Variants in SRGAP1 observed in about 807,000 individuals in gnomAD.
SRGAP1 encodes the protein SLIT-ROBO Rho GTPase-activating protein 1.
A neutral mutation model predicts 121.9 loss-of-function variants in SRGAP1; 43 were observed. That is an observed-to-expected ratio of 0.35 (90% CI 0.28 to 0.46). SRGAP1 has a LOEUF of 0.46. Ranked by LOEUF, SRGAP1 falls within the 20% of genes least tolerant of loss-of-function variation. SRGAP1 has a pLI of 1.00. For synonymous variants in SRGAP1, 447 were observed against 485.4 expected (o/e 0.92, Z 1.04); for missense variants, 1,102 against 1,350.9 (o/e 0.82, Z 2.89).
intron 1 of SRGAP1, among the ~76,000 whole-genome samples, chr12:63,921,155 G>A (rs1206254007): frequency 6.6e-6 from 1 of 152,098 alleles, no homozygotes; most frequent in African/African-American, 2.4e-5. Context: ...CCACCTGACA[G>A]TTTACTTCTA....
intron 18 of SRGAP1, among the ~76,000 whole-genome samples, chr12:64,117,755 A>G (rs2036545890): frequency 6.6e-6 from 1 of 151,898 alleles, no homozygotes; most frequent in Non-Finnish European, 1.5e-5. Context: ...GTAACTTCCC[A>G]TTTCCCGCTT....
chr12:64,080,801 A>G (rs1212728275), intron 10 of SRGAP1: 2 of 218,734 alleles, frequency 9.1e-6, no homozygotes, highest in East Asian at 2.2e-4. Flanking sequence ...GCCTGTTTAG[A>G]CTCTGGAAAC....
chr12:64,113,535 A>C (rs2036467906), intron 17 of SRGAP1, among the ~76,000 whole-genome samples: 1 of 152,200 alleles, frequency 6.6e-6, no homozygotes, highest in Admixed American at 6.5e-5. Context: ...AGAAAAAATA[A>C]TTGTTTGAGG....
At chr12:64,110,000 A>T (rs1008940683) in intron 16 of SRGAP1, among the ~76,000 whole-genome samples, 14 of 152,308 alleles carry the variant, frequency 9.2e-5, no homozygotes, top group Admixed American at 7.2e-4. Flanking sequence ...GGTGCCTAAA[A>T]CATTCACAAA....
chr12:64,105,281 A>T (rs1318011440), intron 15 of SRGAP1, among the ~76,000 whole-genome samples: 2 of 152,222 alleles, frequency 1.3e-5, no homozygotes, highest in Non-Finnish European at 2.9e-5. Flanking sequence ...TTGTGTGTGC[A>T]TACCACATTT....
At chr12:63,919,527 T>TATATATATAG (rs1238483459) in intron 1 of SRGAP1, among the ~76,000 whole-genome samples, 1 of 146,378 alleles carries the variant, frequency 6.8e-6, no homozygotes, top group African/African-American at 2.7e-5. Context: ...TATATACACA[T>TATATATATAG]ACACACACAC....
At chr12:63,938,352 C>G (rs2031740876) in intron 1 of SRGAP1, among the ~76,000 whole-genome samples, 1 of 152,160 alleles carries the variant, frequency 6.6e-6, no homozygotes, top group African/African-American at 2.4e-5. Flanking sequence ...AGATGCCGCC[C>G]TGGTTCGGGG....
At chr12:63,847,529 G>T (rs573754282) in intron 1 of SRGAP1, among the ~76,000 whole-genome samples, 3 of 151,712 alleles carry the variant, frequency 2.0e-5, no homozygotes, top group Admixed American at 2.0e-4. Flanking sequence ...CGAGGTGGGC[G>T]GATCACTTGA....
chr12:64,158,394 G>C lies in SRGAP1; in HGVS notation c.*15722G>C, dbSNP rs1210339374. 6.6e-6 allele frequency: 1 copy of C among 152,204 alleles called. No individual in the cohort carries two copies. The highest frequency in any genetic ancestry group is 6.5e-5 in the Admixed American group (1 of 15,282). The allele number at this position is 152,204 out of a possible 1,614,324, so 9.4% of individuals were successfully genotyped here. On this transcript the variant is annotated 3_prime_UTR_variant, in exon 22 of 22. Coordinates refer to ENST00000355086, the MANE Select transcript of SRGAP1 (RefSeq NM_020762.4). ...AAAAGTTTAAGACCCAATTGCTTTT[G>C]AAGGAGATTCATCTAGAAAAACCAG...
intron 1 of SRGAP1, among the ~76,000 whole-genome samples, chr12:63,948,879 TTTCCATATATATATA>T (rs2032147344): frequency 2.4e-5 from 2 of 84,392 alleles, no homozygotes; most frequent in East Asian, 3.6e-4. Flanking sequence ...ATATATATAT[TTTCCATATATATATA>T]TTCCATATAT....
rs1286380964 is a variant in SRGAP1, at chr12:64,097,278, T to C, written c.1716T>C (p.Asp572=). 6.2e-7 allele frequency: 1 copy of C among 1,612,626 alleles called. No homozygotes were observed. The highest frequency in any genetic ancestry group is 8.5e-7 in the Non-Finnish European group (1 of 1,179,772). ...NPLADDQSNH[D]INSVAGVLKL... ...TGGCTGATGACCAGAGTAACCATGA[T>C]ATTAACTCAGTTGCTGGCGTTCTGA... is the stretch of plus-strand genomic sequence containing the variant. Residue 572 remains aspartate, a synonymous_variant, in exon 15 of 22, where the codon GAT becomes GAC. Coordinates refer to ENST00000355086, the MANE Select transcript of SRGAP1 (RefSeq NM_020762.4).
At chr12:64,046,192 C>G (rs566833308) in intron 6 of SRGAP1, among the ~76,000 whole-genome samples, 1 of 152,262 alleles carries the variant, frequency 6.6e-6, no homozygotes, top group South Asian at 2.1e-4. Flanking sequence ...ATGGCTGCAG[C>G]TGAGCAAGTG....
chr12:63,913,194 C>CT (rs759566545), intron 1 of SRGAP1, among the ~76,000 whole-genome samples: 3,135 of 59,060 alleles, frequency 0.053, 438 homozygotes, highest in Non-Finnish European at 0.072. Flanking sequence ...GTAAATCCTT[C>CT]TTTTTTTTTT....
chr12:64,085,700 T>A (rs897907900), intron 10 of SRGAP1, among the ~76,000 whole-genome samples: 2 of 152,210 alleles, frequency 1.3e-5, no homozygotes, highest in African/African-American at 4.8e-5. Flanking sequence ...TAAATTATTC[T>A]GAAGTTCTAT....
At chr12:64,023,001 G>A (rs775953348) in intron 4 of SRGAP1, among the ~76,000 whole-genome samples, 12 of 152,030 alleles carry the variant, frequency 7.9e-5, no homozygotes, top group South Asian at 6.2e-4. Context: ...CCTGTCACAC[G>A]GTAAATGTTT....
At chr12:64,109,118 C>G in intron 16 of SRGAP1, 81 bp downstream of exon 16, 2 of 907,024 alleles carry the variant, frequency 2.2e-6, no homozygotes, top group Non-Finnish European at 3.2e-6. Flanking sequence ...ACGTTGGGTT[C>G]CATTTATCAG....
intron 4 of SRGAP1, among the ~76,000 whole-genome samples, chr12:64,041,454 A>G (rs1479928065): frequency 6.6e-6 from 1 of 151,608 alleles, no homozygotes; most frequent in African/African-American, 2.4e-5. Context: ...GCACAATCTC[A>G]GCTCACTGCC....
rs768146268 is a variant in SRGAP1, at chr12:64,129,481, G to A, written c.2880+1281G>A. Among the ~76,000 whole-genome samples, 121 of 152,178 alleles carry A rather than the reference G, an allele frequency of 8.0e-4. 1 individual carries two copies. Among genetic ancestry groups the A allele is most frequent in the Non-Finnish European group, 1.2e-3 (80 of 68,012 alleles). On this transcript the variant is annotated intron_variant, in intron 21 of 21. Coordinates refer to ENST00000355086, the MANE Select transcript of SRGAP1 (RefSeq NM_020762.4). ...ACTGACTCAAATGTTAATTTCCTCT[G>A]GCAACCCCCTCACAGACACACCCAG...
chr12:63,981,993 C>T (rs1047078638), intron 1 of SRGAP1, among the ~76,000 whole-genome samples: 7 of 151,886 alleles, frequency 4.6e-5, no homozygotes, highest in Admixed American at 2.6e-4. Flanking sequence ...GTGGGCGGAT[C>T]ACGAGGTCAG....
Sources: allele counts gnomAD v4.1 joint callset (sites outside exome capture counted in the v4.1 genomes callset), GRCh38; gene constraint gnomAD v4.1.1; transcripts MANE v1.5; gene names NCBI Gene and HGNC (gene_info 2026-07-23, HGNC 2026-07-21).